PRKCA: variants seen among roughly 807,000 people sequenced by gnomAD.
PRKCA encodes protein kinase C alpha type.
In PRKCA, 27 loss-of-function variants were observed where a neutral mutation model predicts 87.0. That is an observed-to-expected ratio of 0.31 (90% CI 0.23 to 0.43). The LOEUF is 0.43. Among genes scored for constraint, PRKCA ranks in the 20% least tolerant of loss-of-function variants. The probability of loss-of-function intolerance (pLI) is 1.00; values close to 1 mark genes in which losing one functional copy is unlikely to be tolerated. For synonymous variants in PRKCA, 329 were observed against 311.1 expected, an observed-to-expected ratio of 1.06 and a Z score of -0.61; for missense variants, 518 against 852.3, an observed-to-expected ratio of 0.61 and a Z score of 4.88.
intron 2 of PRKCA, among the ~76,000 whole-genome samples, chr17:66,476,414 G>A (rs533349609): frequency 2.0e-4 from 31 of 152,282 alleles, no homozygotes; most frequent in Admixed American, 1.7e-3. Flanking sequence ...CCCGATTTAC[G>A]GAAGAGCTTG....
intron 2 of PRKCA, among the ~76,000 whole-genome samples, chr17:66,377,865 C>T (rs1344703323): frequency 6.6e-6 from 1 of 151,234 alleles, no homozygotes; most frequent in Admixed American, 6.6e-5. Flanking sequence ...AAGTGATCCT[C>T]CCCCTTCAAC....
intron 3 of PRKCA, among the ~76,000 whole-genome samples, chr17:66,580,046 C>T (rs535573456): frequency 1.3e-4 from 20 of 152,154 alleles, no homozygotes; most frequent in Non-Finnish European, 2.2e-4. Flanking sequence ...TCCTCATGCA[C>T]AGGCGGCTTT....
chr17:66,381,207 G>T (rs765907783), intron 2 of PRKCA, among the ~76,000 whole-genome samples: 7 of 152,162 alleles, frequency 4.6e-5, no homozygotes, highest in Non-Finnish European at 8.8e-5. Flanking sequence ...CTCCCAAAGT[G>T]CTGGGATTAC....
intron 2 of PRKCA, among the ~76,000 whole-genome samples, chr17:66,420,556 G>A (rs753816272): frequency 2.0e-4 from 30 of 152,112 alleles, no homozygotes; most frequent in Admixed American, 5.9e-4. Flanking sequence ...TTATCAAATA[G>A]GCTTTGCATG....
chr17:66,561,729 CAAG>C (rs993632815), intron 3 of PRKCA, among the ~76,000 whole-genome samples: 10 of 152,158 alleles, frequency 6.6e-5, no homozygotes, highest in African/African-American at 2.4e-4. Context: ...GTTCAGTCTT[CAAG>C]AAGAAAGAAA....
chr17:66,509,623 A>G (rs1296286456), intron 3 of PRKCA, among the ~76,000 whole-genome samples: 1 of 152,214 alleles, frequency 6.6e-6, no homozygotes, highest in African/African-American at 2.4e-5. Context: ...AAATGTTAGT[A>G]TCATACAAAA....
chr17:66,500,335 G>A (rs893540607), intron 3 of PRKCA, among the ~76,000 whole-genome samples: 2 of 152,246 alleles, frequency 1.3e-5, no homozygotes, highest in African/African-American at 2.4e-5. Context: ...GTGCAAATCT[G>A]CAAGCAAATC....
intron 2 of PRKCA, among the ~76,000 whole-genome samples, chr17:66,317,529 A>T (rs1477941710): frequency 1.3e-5 from 2 of 152,074 alleles, no homozygotes; most frequent in Non-Finnish European, 2.9e-5. Context: ...AATTGGGGAG[A>T]TTTAGTGAAT....
rs552009847 is a variant in PRKCA at position 66,803,587 on chromosome 17, G to A, written c.1855-286G>A. Among the ~76,000 whole-genome samples the A allele has an allele frequency of 4.6e-5, 7 of 152,278 alleles. No homozygotes were observed. The East Asian group carries it at 5.8e-4, about 13-fold the overall frequency. On this transcript the variant is annotated intron_variant, in intron 16 of 16. Transcript: ENST00000413366. This position sits in a 1 kb window ranked among gnomAD's most constrained non-coding sequence, Gnocchi z 4.4. ...GCTCCGCTTGCTCGGTGAGGTGGACGTGAGGGGACAGGGGCTGTCCCCTTG... is the reference window on the plus strand; with the variant it reads ...GCTCCGCTTGCTCGGTGAGGTGGACATGAGGGGACAGGGGCTGTCCCCTTG...
chr17:66,549,496 C>T (rs2143203411), intron 3 of PRKCA, among the ~76,000 whole-genome samples: 1 of 152,288 alleles, frequency 6.6e-6, no homozygotes, highest in South Asian at 2.1e-4. Flanking sequence ...AGGTTGGTAC[C>T]TCTCCAGGCC....
intron 5 of PRKCA, among the ~76,000 whole-genome samples, chr17:66,678,366 C>T (rs1972392293): frequency 6.6e-6 from 1 of 152,226 alleles, no homozygotes; most frequent in South Asian, 2.1e-4. Flanking sequence ...CAAGAGAATA[C>T]ATTTCTGTTG....
intron 2 of PRKCA, among the ~76,000 whole-genome samples, chr17:66,420,373 C>G (rs1912420331): frequency 6.6e-6 from 1 of 152,114 alleles, no homozygotes; most frequent in Non-Finnish European, 1.5e-5. Context: ...AGAGTCAGAA[C>G]TAATACAGAT....
At chr17:66,771,499 A>T (rs1251415739) in intron 13 of PRKCA, among the ~76,000 whole-genome samples, 1 of 152,258 alleles carries the variant, frequency 6.6e-6, no homozygotes, top group African/African-American at 2.4e-5. Flanking sequence ...ATGTACACAC[A>T]TATCACACCT....
chr17:66,733,387 G>A (rs1272008134), intron 9 of PRKCA, among the ~76,000 whole-genome samples: 1 of 152,154 alleles, frequency 6.6e-6, no homozygotes, highest in Non-Finnish European at 1.5e-5. Context: ...AACAGGTTTG[G>A]GGGGAAAGCT....
Position 66,334,607 on chromosome 17 carries a change from A to G in PRKCA, c.205+28480A>G, listed in dbSNP as rs545451150. On this transcript the variant is annotated intron_variant, in intron 2 of 16. Coordinates refer to ENST00000413366, the MANE Select transcript of PRKCA (RefSeq NM_002737.3). The stretch of plus-strand genomic sequence containing the variant: ...CATTGGATGGCCGTTAAGAGAATAG[A>G]AACAAGTGTTGAGAATGAGGATACA... Among the ~76,000 whole-genome samples, 12 of 152,340 alleles carry G rather than the reference A, an allele frequency of 7.9e-5. 1 individual carries two copies. In the South Asian group the frequency reaches 2.5e-3, roughly 32 times the overall value.
intron 3 of PRKCA, among the ~76,000 whole-genome samples, chr17:66,578,181 G>T (rs1969301794): frequency 6.6e-6 from 1 of 151,200 alleles, no homozygotes. Flanking sequence ...GTCTCCCTTT[G>T]ATATTTGCCT....
chr17:66,481,226 A>G lies in PRKCA; in HGVS notation c.206-14975A>G, dbSNP rs548710991. On this transcript the variant is annotated intron_variant, in intron 2 of 16. Transcript: ENST00000413366. ...TGTTCTCTTAGTGACTCTTTTCCAA[A>G]CTAAAAGCTCCAGGGGGGCCCCTGA... is the stretch of plus-strand genomic sequence containing the variant. Among the ~76,000 whole-genome samples, 8 of 152,120 alleles carry G rather than the reference A, an allele frequency of 5.3e-5. No individual in the cohort carries two copies. The South Asian group carries it at 1.7e-3, about 32-fold the overall frequency.
intron 3 of PRKCA, among the ~76,000 whole-genome samples, chr17:66,508,209 G>A (rs1917063216): frequency 6.6e-6 from 1 of 152,222 alleles, no homozygotes; most frequent in Admixed American, 6.5e-5. Context: ...ACTAGCAAGA[G>A]TCACATGGAC....
chr17:66,339,698 T>C (rs956500169), intron 2 of PRKCA: 1 of 152,218 alleles, frequency 6.6e-6, no homozygotes, highest in African/African-American at 2.4e-5. Context: ...CTGTTGCTTT[T>C]CCTTGACTCT....
Sources: gnomAD v4.1 joint callset for allele counts (sites outside exome capture counted in the v4.1 genomes callset) on GRCh38, gnomAD v4.1.1 for gene constraint, Gnocchi (gnomAD v3.1) non-coding constraint, MANE v1.5 for transcripts, NCBI Gene and HGNC (gene_info 2026-07-23, HGNC 2026-07-21) for gene names.